The following CASP8 variants were observed in gnomAD, a reference collection of about 807,000 sequenced individuals.
CASP8 encodes caspase 8, also known as caspase-8.
A neutral mutation model predicts 46.3 loss-of-function variants in CASP8; 24 were observed. The observed-to-expected ratio is 0.52, with a 90% CI of 0.38 to 0.73. The LOEUF is 0.73. Among genes scored for constraint, CASP8 ranks in the 30% least tolerant of loss-of-function variants. The pLI, the probability that CASP8 is intolerant of heterozygous loss-of-function variation, is 0.00. For missense variants in CASP8, 460 were observed against 559.0 expected, an observed-to-expected ratio of 0.82 and a Z score of 1.79; for synonymous variants, 188 against 200.4, an observed-to-expected ratio of 0.94 and a Z score of 0.52.
At chr2:201,255,959 T>C (rs1481929834), upstream of CASP8, among the ~76,000 whole-genome samples, 1 of 152,198 alleles carries the variant, frequency 6.6e-6, no homozygotes, top group East Asian at 1.9e-4. Flanking sequence ...TGTCTCCCTA[T>C]GTTGCCCAGG....
chr2:201,235,344 G>T (rs1946005263), intron 2 of CASP8, among the ~76,000 whole-genome samples: 1 of 151,962 alleles, frequency 6.6e-6, no homozygotes, highest in South Asian at 2.1e-4. Context: ...TTTTATTATA[G>T]AAAAATGTAT....
intron 2 of CASP8, chr2:201,269,549 C>G: frequency 6.2e-7 from 1 of 1,613,584 alleles, no homozygotes; most frequent in Non-Finnish European, 8.5e-7. Context: ...AAGCAAACAG[C>G]CAGTGCCAGA....
chr2:201,265,981 G>GT (rs113734571), intron 1 of CASP8, among the ~76,000 whole-genome samples: 10,933 of 138,856 alleles, frequency 0.079, 680 homozygotes, highest in African/African-American at 0.17. Context: ...TGTTTTTTGT[G>GT]TTTTTTTTTT....
intron 2 of CASP8, chr2:201,242,030 A>G (rs1026254379): frequency 1.3e-5 from 2 of 152,244 alleles, no homozygotes; most frequent in African/African-American, 4.8e-5. Context: ...ATTTTTCAAC[A>G]AACTGGAAAT....
chr2:201,286,521 AGAAAAACATGGG>A lies in CASP8; in HGVS notation c.1372_1383del (p.Asn458_Lys461del). 1.2e-6 allele frequency: 2 copies of A among 1,614,068 alleles called. No individual in the cohort carries two copies. The highest frequency in any genetic ancestry group is 1.3e-5 in the African/African-American group (1 of 75,062). On this transcript the variant is annotated inframe_deletion, in exon 9 of 9. Transcript: ENST00000673742. The stretch of plus-strand genomic sequence containing the variant: ...TATGAAGTAAGCAACAAGGATGACA[AGAAAAACATGGG>A]GAAACAGATGCCTCAGCCTACTTTC...
intron 2 of CASP8, among the ~76,000 whole-genome samples, chr2:201,245,250 TTG>T (rs1407721654): frequency 2.0e-5 from 3 of 151,888 alleles, no homozygotes; most frequent in African/African-American, 7.3e-5. Flanking sequence ...TTATTTGTTT[TTG>T]TTTTTTTTTT....
Position 201,287,292 on chromosome 2 carries a change from G to A in CASP8, c.*698G>A, listed in dbSNP as rs1200507342. 1 of 152,710 alleles carries A rather than the reference G, an allele frequency of 6.5e-6. No homozygotes were observed. The highest frequency in any genetic ancestry group is 1.5e-5 in the Non-Finnish European group (1 of 68,402). The allele number at this position is 152,710 out of a possible 1,614,324, so 9.5% of individuals were successfully genotyped here. ...TCATGTCTATAATCCCAGCACTTTG[G>A]GAGGTTGAGGTGGGAGGATTGCTTG... On this transcript the variant is annotated 3_prime_UTR_variant, in exon 9 of 9. Coordinates refer to ENST00000673742, the MANE Select transcript of CASP8 (RefSeq NM_001372051.1).
chr2:201,265,149 G>C (rs532105980), intron 1 of CASP8, among the ~76,000 whole-genome samples: 93 of 152,198 alleles, frequency 6.1e-4, no homozygotes, highest in African/African-American at 1.8e-3. Flanking sequence ...AAAAGTTTTG[G>C]GTCACTTAAA....
chr2:201,239,013 TC>T (rs1946178571), intron 2 of CASP8, among the ~76,000 whole-genome samples: 1 of 152,046 alleles, frequency 6.6e-6, no homozygotes, highest in Non-Finnish European at 1.5e-5. Context: ...ACAAAGCACA[TC>T]TTGCACCGCC....
intron 2 of CASP8, among the ~76,000 whole-genome samples, chr2:201,270,861 T>G (rs1254465121): frequency 6.6e-6 from 1 of 152,096 alleles, no homozygotes; most frequent in Admixed American, 6.5e-5. Flanking sequence ...TGTTATCGTT[T>G]TGGGGTTACT....
intron 2 of CASP8, among the ~76,000 whole-genome samples, chr2:201,246,106 T>C (rs1181958987): frequency 6.6e-6 from 1 of 152,080 alleles, no homozygotes; most frequent in Non-Finnish European, 1.5e-5. Flanking sequence ...TCAGGTGATC[T>C]GCCTGCCTTG....
chr2:201,268,948 TG>T (rs1559353276), intron 2 of CASP8, among the ~76,000 whole-genome samples: 1 of 146,440 alleles, frequency 6.8e-6, no homozygotes, highest in East Asian at 1.9e-4. Context: ...TGTGTGTGTG[TG>T]TGTGTGTGAG....
At chr2:201,283,664 C>T (rs1254778066) in intron 7 of CASP8, among the ~76,000 whole-genome samples, 2 of 91,990 alleles carry the variant, frequency 2.2e-5, no homozygotes, top group African/African-American at 7.0e-5. Flanking sequence ...CGCCCCTCAC[C>T]TCCCGGACGG....
At position 201,276,976 on chromosome 2, in the gene CASP8, A is replaced by G. The variant is rs746130485; in HGVS notation, c.802+8A>G. The G allele has an allele frequency of 6.3e-7, 1 of 1,599,428 alleles. No individual in the cohort carries two copies. Among genetic ancestry groups the G allele is most frequent in the Non-Finnish European group, 8.6e-7 (1 of 1,166,724 alleles). On this transcript the variant is annotated splice_region_variant and intron_variant, in intron 7 of 8. Transcript: ENST00000673742. ...GAACACACTTGGATGCAGGTACAGT[A>G]GAACCCAAAAGAGAAAAGTAAAATA... is the stretch of plus-strand genomic sequence containing the variant.
At chr2:201,237,837 G>A (rs1461462590) in intron 2 of CASP8, among the ~76,000 whole-genome samples, 1 of 152,238 alleles carries the variant, frequency 6.6e-6, no homozygotes, top group African/African-American at 2.4e-5. Flanking sequence ...GGCCAGCCTT[G>A]TGTAGTGATC....
In CASP8 at chr2:201,266,082, C is replaced by CGATT. The variant is rs1316884276; in HGVS notation, c.-26-378_-26-375dup. Among the ~76,000 whole-genome samples the CGATT allele has an allele frequency of 6.6e-6, 1 of 151,758 alleles. No individual in the cohort carries two copies. The highest frequency in any genetic ancestry group is 2.4e-5 in the African/African-American group (1 of 41,286). The stretch of plus-strand genomic sequence containing the variant: ...GCAACCTCCACCTCCTGGGTTCAAG[C>CGATT]GATTCTCCTGCCCCAGCCTCCTGAG... On this transcript the variant is annotated intron_variant, in intron 1 of 8. Coordinates refer to ENST00000673742, the MANE Select transcript of CASP8 (RefSeq NM_001372051.1). The surrounding 1 kb of genome is among the most constrained non-coding windows in gnomAD (Gnocchi z 5.7).
chr2:201,247,116 G>A (rs967573739), intron 2 of CASP8, among the ~76,000 whole-genome samples: 23 of 150,992 alleles, frequency 1.5e-4, no homozygotes, highest in Non-Finnish European at 3.1e-4. Context: ...TTGAGCTGGC[G>A]GGGTGGAGGT....
At chr2:201,246,937 C>T (rs1250401645) in intron 2 of CASP8, among the ~76,000 whole-genome samples, 1 of 152,100 alleles carries the variant, frequency 6.6e-6, no homozygotes, top group African/African-American at 2.4e-5. Flanking sequence ...TGGCTTACTC[C>T]TGTAATCCCA....
At chr2:201,253,679 A>G (rs1356191451) in intron 2 of CASP8, among the ~76,000 whole-genome samples, 1 of 152,166 alleles carries the variant, frequency 6.6e-6, no homozygotes, top group Non-Finnish European at 1.5e-5. Flanking sequence ...ATTTTAAAAG[A>G]TGGTTCTTGA....
Sources: gnomAD v4.1 joint callset for allele counts (sites outside exome capture counted in the v4.1 genomes callset) on GRCh38, gnomAD v4.1.1 for gene constraint, Gnocchi (gnomAD v3.1) non-coding constraint, MANE v1.5 for transcripts, NCBI Gene and HGNC (gene_info 2026-07-23, HGNC 2026-07-21) for gene names.